Variants in TMEM132B observed in about 807,000 individuals in gnomAD.
TMEM132B encodes the protein transmembrane protein 132B.
In TMEM132B, 18 loss-of-function variants were observed where a neutral mutation model predicts 90.8. That is an observed-to-expected ratio of 0.20 (90% CI 0.14 to 0.29). The LOEUF (loss-of-function observed/expected upper bound fraction) is 0.29. Ranked by LOEUF, TMEM132B falls within the 10% of genes least tolerant of loss-of-function variation. TMEM132B has a pLI of 1.00. For synonymous variants in TMEM132B, 504 were observed against 523.3 expected (o/e 0.96, Z 0.50); for missense variants, 1,096 against 1,326.8 (o/e 0.83, Z 2.70).
Position 125,638,024 on chromosome 12 carries a change from AAG to A in TMEM132B, c.1438-6051_1438-6050del, listed in dbSNP as rs1283325904. On this transcript the variant is annotated intron_variant, in intron 5 of 8. Coordinates refer to ENST00000682704, the MANE Select transcript of TMEM132B (RefSeq NM_001366854.1). Reference sequence around the variant, plus strand: ...ATTATAACTCAATCTGGTTGATAAAAAGTACTGATGTGTGTATTTAGGTCTTG... The same window carrying A: ...ATTATAACTCAATCTGGTTGATAAAATACTGATGTGTGTATTTAGGTCTTG... Among the ~76,000 whole-genome samples, 6 of 152,238 alleles carry A rather than the reference AAG, an allele frequency of 3.9e-5. No homozygotes were observed. The East Asian group carries it at 1.2e-3, about 29-fold the overall frequency.
chr12:125,520,079 A>G (rs953835615), intron 4 of TMEM132B, among the ~76,000 whole-genome samples: 16 of 152,156 alleles, frequency 1.1e-4, no homozygotes, highest in Non-Finnish European at 2.2e-4. Flanking sequence ...CCTTGCTGGG[A>G]ACTGACCACT....
intron 2 of TMEM132B, among the ~76,000 whole-genome samples, chr12:125,413,144 G>T (rs1879904510): frequency 6.6e-6 from 1 of 152,042 alleles, no homozygotes; most frequent in Admixed American, 6.5e-5. Context: ...CCTTACGGTG[G>T]GTGGTAAAGT....
intron 1 of TMEM132B, among the ~76,000 whole-genome samples, chr12:125,231,096 A>T (rs1280962849): frequency 1.3e-5 from 2 of 152,052 alleles, no homozygotes; most frequent in Middle Eastern, 3.2e-3. Flanking sequence ...GCTCTAGGGG[A>T]GGCTCCTTCC....
chr12:125,532,808 CCCGG>C (rs1353529775), intron 4 of TMEM132B, among the ~76,000 whole-genome samples: 1 of 152,108 alleles, frequency 6.6e-6, no homozygotes, highest in African/African-American at 2.4e-5. Context: ...AACCACCACA[CCCGG>C]CCTTAGGAAC....
intron 3 of TMEM132B, among the ~76,000 whole-genome samples, chr12:125,420,080 C>T (rs1880127548): frequency 6.6e-6 from 1 of 152,208 alleles, no homozygotes; most frequent in African/African-American, 2.4e-5. Flanking sequence ...TGGGCTGGTG[C>T]TGAGTGTCTG....
At chr12:125,588,179 C>T (rs890150254) in intron 5 of TMEM132B, 2 of 152,218 alleles carry the variant, frequency 1.3e-5, no homozygotes, top group African/African-American at 2.4e-5. Context: ...CTCCACCTTC[C>T]TCACCGTTTG....
chr12:125,380,091 A>G (rs1878630902), intron 2 of TMEM132B, among the ~76,000 whole-genome samples: 1 of 152,230 alleles, frequency 6.6e-6, no homozygotes, highest in South Asian at 2.1e-4. Context: ...TTGATGGCTT[A>G]AAATCATAGG....
At chr12:125,470,442 T>C (rs1163441643) in intron 3 of TMEM132B, among the ~76,000 whole-genome samples, 2 of 149,812 alleles carry the variant, frequency 1.3e-5, no homozygotes, top group Non-Finnish European at 2.9e-5. Flanking sequence ...TCTCCTTTTA[T>C]TTCTTGCTCT....
intron 3 of TMEM132B, among the ~76,000 whole-genome samples, chr12:125,503,288 G>A (rs902830536): frequency 2.6e-5 from 4 of 152,274 alleles, no homozygotes; most frequent in African/African-American, 7.2e-5. Context: ...GTGAGTGTAC[G>A]GGGGACATAG....
intron 2 of TMEM132B, among the ~76,000 whole-genome samples, chr12:125,359,809 G>A (rs1023367895): frequency 4.6e-5 from 7 of 152,256 alleles, no homozygotes; most frequent in African/African-American, 1.7e-4. Flanking sequence ...GCCAGGTGCA[G>A]TGGTTCACGC....
chr12:125,439,152 T>A (rs1455534292), intron 3 of TMEM132B, among the ~76,000 whole-genome samples: 1 of 152,106 alleles, frequency 6.6e-6, no homozygotes, highest in Non-Finnish European at 1.5e-5. Context: ...GGCTCTTTTT[T>A]TTTTTGGTTT....
chr12:125,632,015 A>G (rs1886378439), intron 5 of TMEM132B, among the ~76,000 whole-genome samples: 1 of 151,878 alleles, frequency 6.6e-6, no homozygotes, highest in Admixed American at 6.6e-5. Flanking sequence ...TACTCCTTCC[A>G]TTTTGTTACT....
intron 1 of TMEM132B, among the ~76,000 whole-genome samples, chr12:125,223,680 C>G (rs74658713): frequency 6.6e-6 from 1 of 152,174 alleles, no homozygotes; most frequent in Non-Finnish European, 1.5e-5. Context: ...CCCCAGCCCT[C>G]GCCAGCCATT....
chr12:125,499,742 G>A (rs1184812869), intron 3 of TMEM132B, among the ~76,000 whole-genome samples: 1 of 152,170 alleles, frequency 6.6e-6, no homozygotes, highest in African/African-American at 2.4e-5. Flanking sequence ...TTCACGTCCT[G>A]TTTCTGTGGA....
intron 2 of TMEM132B, among the ~76,000 whole-genome samples, chr12:125,362,383 C>A (rs1256508859): frequency 6.6e-6 from 1 of 152,072 alleles, no homozygotes; most frequent in Non-Finnish European, 1.5e-5. Flanking sequence ...TTTCAAATGA[C>A]CTGGAATATT....
At chr12:125,283,294 T>G (rs1875251369) in intron 1 of TMEM132B, among the ~76,000 whole-genome samples, 1 of 152,224 alleles carries the variant, frequency 6.6e-6, no homozygotes, top group Non-Finnish European at 1.5e-5. Flanking sequence ...CTCCTTATAT[T>G]CTAGCCAAGT....
chr12:125,377,329 A>G (rs1377690869), intron 2 of TMEM132B, among the ~76,000 whole-genome samples: 1 of 152,202 alleles, frequency 6.6e-6, no homozygotes, highest in East Asian at 1.9e-4. Context: ...CCCAGAGAGG[A>G]AGCCCACATC....
In TMEM132B at chr12:125,653,619, G is replaced by A. The variant is rs1380517264; in HGVS notation, c.2161G>A (p.Asp721Asn). 6.2e-7 allele frequency: 1 copy of A among 1,614,168 alleles called. No homozygotes were observed. The highest frequency in any genetic ancestry group is 1.1e-5 in the South Asian group (1 of 91,080). ...CAGTGATGGTTCGGTGACACCTTTA[G>A]ACATTTACGATCCTAAGGATTATTC... ...LFSDGSVTPL[D>N]IYDPKDYSVT... is the part of the protein sequence containing the mutation. Residue 721 changes from aspartate to asparagine, a missense_variant, in exon 9 of 9, where the codon GAC becomes AAC. Coordinates refer to ENST00000682704, the MANE Select transcript of TMEM132B (RefSeq NM_001366854.1).
rs971114454 is a variant in TMEM132B at position 125,209,888 on chromosome 12, G to A, written c.67+23022G>A. Among the ~76,000 whole-genome samples the A allele has an allele frequency of 1.3e-5, 2 of 152,190 alleles. No homozygotes were observed. The highest frequency in any genetic ancestry group is 4.8e-5 in the African/African-American group (2 of 41,428). On this transcript the variant is annotated intron_variant, in intron 1 of 8. Transcript: ENST00000682704. The surrounding 1 kb of genome is among the most constrained non-coding windows in gnomAD (Gnocchi z 4.4). ...ATAAATACTGTTAGATGGCCAGAGT[G>A]TCTTCCTCGCCTTGTCCTGTGAGTC...
Sources: gnomAD v4.1 joint callset for allele counts (sites outside exome capture counted in the v4.1 genomes callset) on GRCh38, gnomAD v4.1.1 for gene constraint, Gnocchi (gnomAD v3.1) non-coding constraint, MANE v1.5 for transcripts, NCBI Gene and HGNC (gene_info 2026-07-23, HGNC 2026-07-21) for gene names.